DUS2: variants seen among roughly 807,000 people sequenced by gnomAD.
DUS2 encodes tRNA-dihydrouridine(20) synthase [NAD(P)+]-like.
In DUS2, 52 loss-of-function variants were observed where a neutral mutation model predicts 71.3. The observed-to-expected ratio is 0.73, with a 90% CI of 0.58 to 0.92. The LOEUF (loss-of-function observed/expected upper bound fraction) is 0.92, where lower values mean the gene tolerates loss of function less well. Ranked by LOEUF, DUS2 falls within the 40% of genes least tolerant of loss-of-function variation. DUS2 has a pLI of 0.00. For synonymous variants in DUS2, 204 were observed against 227.8 expected, an observed-to-expected ratio of 0.90 and a Z score of 0.94; for missense variants, 558 against 622.6, an observed-to-expected ratio of 0.90 and a Z score of 1.10.
At chr16:68,042,666 C>T (rs1282960337) in intron 3 of DUS2, among the ~76,000 whole-genome samples, 1 of 151,994 alleles carries the variant, frequency 6.6e-6, no homozygotes, top group African/African-American at 2.4e-5. Flanking sequence ...TATGCCACCA[C>T]ACCTGGCTAA....
chr16:68,062,849 G>A (rs1360181207), intron 8 of DUS2, among the ~76,000 whole-genome samples: 1 of 152,108 alleles, frequency 6.6e-6, no homozygotes, highest in East Asian at 1.9e-4. Flanking sequence ...AAGGTGCCTG[G>A]GTATAGTTTA....
chr16:68,031,029 C>T (rs1567468410), intron 2 of DUS2, among the ~76,000 whole-genome samples: 2 of 152,024 alleles, frequency 1.3e-5, no homozygotes, highest in Admixed American at 6.6e-5. Flanking sequence ...CAGGTGTGAG[C>T]CACCTTGCCT....
intron 15 of DUS2, chr16:68,078,109 C>A (rs1473386566): frequency 1.7e-5 from 6 of 347,494 alleles, no homozygotes; most frequent in Non-Finnish European, 5.4e-6. Context: ...TTCTCTGCTC[C>A]TAGCTTGTCC....
intron 12 of DUS2, among the ~76,000 whole-genome samples, chr16:68,071,425 A>G (rs1245461369): frequency 6.6e-6 from 1 of 152,032 alleles, no homozygotes; most frequent in African/African-American, 2.4e-5. Context: ...TTTTTCTCAC[A>G]CGCTGCACAT....
At chr16:68,045,713 G>T (rs2033690694) in intron 3 of DUS2, among the ~76,000 whole-genome samples, 1 of 149,672 alleles carries the variant, frequency 6.7e-6, no homozygotes, top group Non-Finnish European at 1.5e-5. Flanking sequence ...GTCCTGGCTG[G>T]AACTTTCTTT....
At chr16:68,071,374 A>G (rs1330740312) in intron 12 of DUS2, among the ~76,000 whole-genome samples, 1 of 152,242 alleles carries the variant, frequency 6.6e-6, no homozygotes, top group African/African-American at 2.4e-5. Context: ...TTCTAGATCC[A>G]GGATGCTGTT....
At chr16:68,029,715 G>T (rs1352427762) in intron 2 of DUS2, among the ~76,000 whole-genome samples, 1 of 151,970 alleles carries the variant, frequency 6.6e-6, no homozygotes, top group Non-Finnish European at 1.5e-5. Context: ...CCAAAGTGTT[G>T]GGATTATAGG....
chr16:68,070,916 C>T, intron 11 of DUS2, 24 bp from the exon 12 acceptor site: 1 of 1,613,254 alleles, frequency 6.2e-7, no homozygotes, highest in Non-Finnish European at 8.5e-7. Flanking sequence ...TGGGGACACC[C>T]CTAACCCTCT....
intron 2 of DUS2, 55 bp from the exon 3 acceptor site, chr16:68,037,951 A>C: frequency 6.4e-7 from 1 of 1,567,084 alleles, no homozygotes; most frequent in Middle Eastern, 1.8e-4. Flanking sequence ...TCTTGATAAC[A>C]GGAGAGATTT....
intron 7 of DUS2, among the ~76,000 whole-genome samples, chr16:68,057,400 A>T (rs2033875749): frequency 6.9e-6 from 1 of 143,952 alleles, no homozygotes; most frequent in East Asian, 2.0e-4. Context: ...GAGGATTATA[A>T]AAAAAAAAAA....
intron 10 of DUS2, among the ~76,000 whole-genome samples, chr16:68,067,331 GAGTGC>G (rs763573061): frequency 1.1e-3 from 126 of 116,626 alleles, no homozygotes; most frequent in Non-Finnish European, 1.7e-3. Flanking sequence ...ACCCAGGCTG[GAGTGC>G]AGTAGCGCAG....
intron 10 of DUS2, among the ~76,000 whole-genome samples, chr16:68,067,973 G>C (rs1294196949): frequency 6.6e-6 from 1 of 152,082 alleles, no homozygotes; most frequent in Non-Finnish European, 1.5e-5. Flanking sequence ...TCTTTTAAAG[G>C]CTCTGCCTCT....
intron 10 of DUS2, among the ~76,000 whole-genome samples, chr16:68,069,065 G>A (rs1030472174): frequency 3.3e-5 from 5 of 152,084 alleles, no homozygotes; most frequent in Non-Finnish European, 7.4e-5. Context: ...AGGCTAGGTT[G>A]ACAGGGCCCT....
intron 16 of DUS2, 97 bp from the exon 17 acceptor site, chr16:68,078,652 C>G: frequency 6.7e-7 from 1 of 1,491,004 alleles, no homozygotes; most frequent in Admixed American, 1.7e-5. Flanking sequence ...GATGGTGACC[C>G]CTTACTCAGT....
intron 2 of DUS2, among the ~76,000 whole-genome samples, chr16:68,030,365 G>A (rs1032775954): frequency 5.3e-5 from 8 of 151,980 alleles, no homozygotes; most frequent in South Asian, 2.1e-4. Flanking sequence ...AGGCTGAGGC[G>A]GGTGGATCAC....
At chr16:68,036,429 G>C (rs2033528794) in intron 2 of DUS2, among the ~76,000 whole-genome samples, 1 of 151,538 alleles carries the variant, frequency 6.6e-6, no homozygotes, top group Non-Finnish European at 1.5e-5. Flanking sequence ...CCAAAGTGCT[G>C]GGATTACAGG....
intron 7 of DUS2, 83 bp from the exon 8 acceptor site, chr16:68,060,983 C>A: frequency 7.3e-7 from 1 of 1,376,780 alleles, no homozygotes; most frequent in Non-Finnish European, 1.0e-6. Context: ...GCCGGGGTGA[C>A]GCTCAGTTGC....
At chr16:68,050,126 C>T (rs986812898) in intron 4 of DUS2, among the ~76,000 whole-genome samples, 5 of 151,880 alleles carry the variant, frequency 3.3e-5, no homozygotes, top group East Asian at 1.9e-4. Flanking sequence ...CTGATACATA[C>T]GTATATGCTT....
At position 68,061,960 on chromosome 16, in the gene DUS2, G is replaced by A. The variant is rs973172318; in HGVS notation, c.417+847G>A. ...GTGCTTGCTGGCTACATGCCTTCTC[G>A]TTTTTCCCATGTGCAGCCAGAGATA... On this transcript the variant is annotated intron_variant, in intron 8 of 16. Transcript: ENST00000565263. Among the ~76,000 whole-genome samples the A allele has an allele frequency of 1.8e-4, 27 of 152,082 alleles. No individual in the cohort carries two copies. In the East Asian group the frequency reaches 2.1e-3, roughly 12 times the overall value.
Sources: allele counts gnomAD v4.1 joint callset (sites outside exome capture counted in the v4.1 genomes callset), GRCh38; gene constraint gnomAD v4.1.1; transcripts MANE v1.5; gene names NCBI Gene and HGNC (gene_info 2026-07-23, HGNC 2026-07-21).